The following ARHGEF12 variants were observed in gnomAD, a reference collection of about 807,000 sequenced individuals.
ARHGEF12 encodes the protein Rho guanine nucleotide exchange factor 12.
A neutral mutation model predicts 211.2 loss-of-function variants in ARHGEF12; 66 were observed. The observed-to-expected ratio is 0.31, with a 90% CI of 0.26 to 0.38. The LOEUF (loss-of-function observed/expected upper bound fraction) is 0.38. Among genes scored for constraint, ARHGEF12 ranks in the 10% least tolerant of loss-of-function variants. ARHGEF12 has a pLI of 1.00. For synonymous variants in ARHGEF12, 592 were observed against 638.4 expected (o/e 0.93, Z 1.09); for missense variants, 1,429 against 1,869.5 (o/e 0.76, Z 4.34).
At chr11:120,364,258 A>G (rs1005020249) in intron 1 of ARHGEF12, among the ~76,000 whole-genome samples, 2 of 152,180 alleles carry the variant, frequency 1.3e-5, no homozygotes, top group Middle Eastern at 3.2e-3. Flanking sequence ...AGCCCATCCC[A>G]TGCTGTGCTG....
In ARHGEF12 at chr11:120,457,121, C is replaced by T. The variant is rs1946386461; in HGVS notation, c.2060C>T (p.Ser687Leu). ...QEGGKENDTG[S>L]KQVGETSAPG... ...AATGTCTGACTTTTGTCTACAGGAT[C>T]AAAGCAAGTTGGAGAAACATCAGCA... The change falls in exon 23 of 41, where the codon TCA becomes TTA. Residue 687 changes from serine (S) to leucine (L), a missense_variant. Ser to Leu is a moderately radical substitution (Grantham distance 145). Transcript: ENST00000397843. 6.2e-7 allele frequency: 1 copy of T among 1,613,424 alleles called. No homozygotes were observed. Among genetic ancestry groups the T allele is most frequent in the Non-Finnish European group, 8.5e-7 (1 of 1,179,800 alleles).
At chr11:120,411,445 T>C (rs573767486) in intron 4 of ARHGEF12, 12 of 152,194 alleles carry the variant, frequency 7.9e-5, no homozygotes, top group African/African-American at 2.9e-4. Context: ...GACATTCTGC[T>C]TTAGTGTAGG....
chr11:120,458,285 G>A, intron 25 of ARHGEF12, 51 bp downstream of exon 25: 1 of 1,602,042 alleles, frequency 6.2e-7, no homozygotes, highest in East Asian at 2.2e-5. Flanking sequence ...AGTTTTGTCA[G>A]AGTGAATTAA....
Position 120,477,081 on chromosome 11 carries a change from TTTGTTGTTGTTGTTGTTG to T in ARHGEF12, c.3366-116_3366-99del, listed in dbSNP as rs146792075. The T allele has an allele frequency of 1.4e-4, 95 of 662,130 alleles. 1 individual carries two copies. The highest frequency in any genetic ancestry group is 4.2e-4 in the Middle Eastern group (1 of 2,404). The allele number at this position is 662,130 out of a possible 1,614,324, so 41.0% of individuals were successfully genotyped here. ...AAAGATATTCTCTGGCAGAGTGGGTTTTGTTGTTGTTGTTGTTGTTGTTGTTGTTGTTGTTGTTGGTTG... is the reference window on the plus strand; with the variant it reads ...AAAGATATTCTCTGGCAGAGTGGGTTTTGTTGTTGTTGTTGTTGTTGGTTG... On this transcript the variant is annotated intron_variant, in intron 34 of 40. Transcript: ENST00000397843.
intron 39 of ARHGEF12, among the ~76,000 whole-genome samples, chr11:120,482,306 C>G (rs1947269191): frequency 6.6e-6 from 1 of 152,166 alleles, no homozygotes; most frequent in Non-Finnish European, 1.5e-5. Flanking sequence ...CTTCCCAAAT[C>G]CTATGACAGA....
At chr11:120,432,535 G>C (rs1211465371) in intron 11 of ARHGEF12, among the ~76,000 whole-genome samples, 1 of 152,150 alleles carries the variant, frequency 6.6e-6, no homozygotes, top group Non-Finnish European at 1.5e-5. Flanking sequence ...GTATGCAGTG[G>C]TAGGAATAAT....
chr11:120,372,047 A>C (rs1943603669), intron 1 of ARHGEF12, among the ~76,000 whole-genome samples: 1 of 152,262 alleles, frequency 6.6e-6, no homozygotes, highest in African/African-American at 2.4e-5. Context: ...TTTGTCAGGC[A>C]CTGAGCTGGT....
Position 120,436,423 on chromosome 11 carries a change from A to T in ARHGEF12, c.925-885A>T, listed in dbSNP as rs556322962. On this transcript the variant is annotated intron_variant, in intron 11 of 40. Transcript: ENST00000397843. ...TGTATCTTCCCTATTGGCACTCGTT[A>T]GGTCTCTGGTTCCTCATTTTCATTG... Among the ~76,000 whole-genome samples, 7 of 152,146 alleles carry T rather than the reference A, an allele frequency of 4.6e-5. No individual in the cohort carries two copies. In the South Asian group the frequency reaches 1.2e-3, roughly 27 times the overall value.
rs1426650315 is a variant in ARHGEF12 at position 120,347,266 on chromosome 11, C to CTCTGTGTGTGTGTG, written c.32+9992_32+9993insCTGTGTGTGTGTGT. ...TCTGTTTCTCTCTCTCTCTCTCTCT[C>CTCTGTGTGTGTGTG]TGTCTGTGTGTGTGTGTGTGTGTGT... On this transcript the variant is annotated intron_variant, in intron 1 of 40. Transcript: ENST00000397843. Among the ~76,000 whole-genome samples, 4 of 133,596 alleles carry CTCTGTGTGTGTGTG rather than the reference C, an allele frequency of 3.0e-5. No individual in the cohort carries two copies. In the South Asian group the frequency reaches 9.8e-4, roughly 33 times the overall value. 87.6% of individuals were successfully genotyped at this position (133,596 alleles called of 152,430 possible). A position where few individuals can be genotyped will look rare whatever the true frequency, so the allele number is the denominator to read the frequency against.
rs1175024264 is a variant in ARHGEF12 at position 120,481,481 on chromosome 11, T to A, written c.4459T>A (p.Cys1487Ser). Residue 1487 changes from cysteine (C) to serine (S), a missense_variant, in exon 39 of 41, where the codon TGT becomes AGT. Physicochemically the swap from Cys to Ser is moderately radical, Grantham distance 112. Coordinates refer to ENST00000397843, the MANE Select transcript of ARHGEF12 (RefSeq NM_015313.3). The stretch of plus-strand genomic sequence containing the variant: ...GCGCTGGGGAGCTATGGAGTATTCC[T>A]GTTTTGAGATCCAGAGTCCCTCCTC... ...QQRWGAMEYS[C>S]FEIQSPSSCA... The A allele has an allele frequency of 6.2e-7, 1 of 1,614,204 alleles. No individual in the cohort carries two copies.
intron 1 of ARHGEF12, among the ~76,000 whole-genome samples, chr11:120,369,606 A>G (rs1156687915): frequency 6.6e-6 from 1 of 152,222 alleles, no homozygotes; most frequent in African/African-American, 2.4e-5. Context: ...TGCAGTTTCA[A>G]CAAAAGTAGT....
chr11:120,457,719 A>C lies in ARHGEF12; in HGVS notation c.2190-2A>C. ...GTTACTCTTTACTTTCCATTGTTTT[A>C]GGGTGACTGAACATGGGACACCAAA... is the stretch of plus-strand genomic sequence containing the variant. On this transcript the variant is annotated splice_acceptor_variant, in intron 23 of 40. Coordinates refer to ENST00000397843, the MANE Select transcript of ARHGEF12 (RefSeq NM_015313.3). LOFTEE classifies it high-confidence loss of function. 12 of 1,605,740 alleles carry C rather than the reference A, an allele frequency of 7.5e-6. No homozygotes were observed. The highest frequency in any genetic ancestry group is 1.0e-5 in the Non-Finnish European group (12 of 1,176,030).
intron 1 of ARHGEF12, among the ~76,000 whole-genome samples, chr11:120,367,566 A>G (rs1431736123): frequency 6.6e-6 from 1 of 151,958 alleles, no homozygotes; most frequent in Admixed American, 6.6e-5. Context: ...GGGTTTCACC[A>G]TGTTGGTCAG....
chr11:120,446,987 G>C lies in ARHGEF12; in HGVS notation c.1491G>C (p.Glu497Asp), dbSNP rs1221734111. 3.7e-6 allele frequency: 6 copies of C among 1,614,086 alleles called. No homozygotes were observed. Among genetic ancestry groups the C allele is most frequent in the Non-Finnish European group, 5.1e-6 (6 of 1,180,026 alleles). Residue 497 changes from glutamate to aspartate, a missense_variant, in exon 18 of 41, where the codon GAG becomes GAC. Glu to Asp is a conservative substitution (Grantham distance 45, BLOSUM62 2). Around this residue, in one of 7 missense-constraint regions of ARHGEF12, gnomAD observed 373 missense variants for 467.5 expected, o/e 0.80. Transcript: ENST00000397843. ...TGGGACTGACCTTGGCTGAAAGCGA[G>C]CTGACTAAACTTGATGCAGAGCGAG... ...RSMGLTLAES[E>D]LTKLDAERDK...
At chr11:120,453,165 G>T (rs1184818228) in intron 22 of ARHGEF12, among the ~76,000 whole-genome samples, 1 of 152,138 alleles carries the variant, frequency 6.6e-6, no homozygotes, top group African/African-American at 2.4e-5. Flanking sequence ...AAGCTGCTGG[G>T]AATAGGCAGG....
At chr11:120,343,112 C>A (rs186843249) in intron 1 of ARHGEF12, among the ~76,000 whole-genome samples, 33 of 151,198 alleles carry the variant, frequency 2.2e-4, no homozygotes, top group African/African-American at 8.0e-4. Context: ...ATTTTACTTT[C>A]TTGCTGTTGT....
intron 1 of ARHGEF12, among the ~76,000 whole-genome samples, chr11:120,339,331 A>G (rs751432954): frequency 1.4e-4 from 21 of 152,104 alleles, no homozygotes; most frequent in Non-Finnish European, 2.9e-4. Context: ...TAATATGAAT[A>G]TATGTTGGGG....
At chr11:120,363,570 T>G (rs535669632) in intron 1 of ARHGEF12, among the ~76,000 whole-genome samples, 1 of 152,312 alleles carries the variant, frequency 6.6e-6, no homozygotes, top group East Asian at 1.9e-4. Context: ...AGAAAAACAT[T>G]AGGTGACTAA....
At chr11:120,388,659 G>A (rs1164115671) in intron 1 of ARHGEF12, among the ~76,000 whole-genome samples, 3 of 152,092 alleles carry the variant, frequency 2.0e-5, no homozygotes, top group African/African-American at 7.2e-5. Context: ...CCATTTTACT[G>A]TGTGTGTGAT....
Sources: gnomAD v4.1 joint callset for allele counts (sites outside exome capture counted in the v4.1 genomes callset) on GRCh38, gnomAD v4.1.1 for gene constraint, gnomAD v4.1.1 regional missense constraint, MANE v1.5 for transcripts, NCBI Gene and HGNC (gene_info 2026-07-23, HGNC 2026-07-21) for gene names.